Variants in ZFP1 observed in about 807,000 individuals in gnomAD.
ZFP1 encodes zinc finger protein 1 homolog.
In ZFP1, 32 loss-of-function variants were observed where a neutral mutation model predicts 38.5. The observed-to-expected ratio is 0.83, with a 90% CI of 0.63 to 1.12. ZFP1 has a LOEUF of 1.12. ZFP1 is among the 50% of genes most tolerant of loss of function. The pLI is 0.00. For missense variants in ZFP1, 616 were observed against 480.8 expected, an observed-to-expected ratio of 1.28 and a Z score of -2.63; for synonymous variants, 245 against 168.8, an observed-to-expected ratio of 1.45 and a Z score of -3.50.
intron 2 of ZFP1, among the ~76,000 whole-genome samples, chr16:75,166,139 G>A (rs12923447): frequency 0.5 from 76,642 of 151,988 alleles, 20,319 homozygotes; most frequent in East Asian, 0.71. Context: ...TTTAAACATC[G>A]ATGTCACAGA....
chr16:75,170,241 G>T lies in ZFP1; in HGVS notation c.1131G>T (p.Glu377Asp), dbSNP rs2038351946. The T allele has an allele frequency of 6.2e-7, 1 of 1,614,168 alleles. No individual in the cohort carries two copies. The highest frequency in any genetic ancestry group is 1.1e-5 in the South Asian group (1 of 91,082). ...LRLHLRIHTG[E>D]KPYECSECGK... ...TACACTTGCGAATCCACACAGGAGA[G>T]AAACCATATGAGTGTTCCGAATGTG... The change falls in exon 4 of 4, where the codon GAG (glutamate) becomes GAT (aspartate). Residue 377 changes from glutamate (E) to aspartate (D), a missense_variant. Glu to Asp is a conservative substitution (Grantham distance 45). Coordinates refer to ENST00000570010, the MANE Select transcript of ZFP1 (RefSeq NM_153688.4).
the ZFP1 span, among the ~76,000 whole-genome samples, chr16:75,131,129 G>A: frequency 6.6e-6 from 1 of 152,114 alleles, no homozygotes; most frequent in Non-Finnish European, 1.5e-5. Flanking sequence ...CCTCGGTCTG[G>A]CATATTCTCC....
intron 2 of ZFP1, among the ~76,000 whole-genome samples, chr16:75,165,630 G>A (rs974338082): frequency 6.6e-6 from 1 of 151,946 alleles, no homozygotes; most frequent in Non-Finnish European, 1.5e-5. Context: ...CCTGTGATCC[G>A]CCCACCTCGG....
At position 75,152,896 on chromosome 16, in the gene ZFP1, T is replaced by C. The variant is rs199633607; in HGVS notation, c.-43-13T>C. Reference sequence around the variant, plus strand: ...CCTTTAATAACAATGCCTTCCTTTTTCCTCTATTCCAGTTCTGCCTTCATA... The same window carrying C: ...CCTTTAATAACAATGCCTTCCTTTTCCCTCTATTCCAGTTCTGCCTTCATA... On this transcript the variant is annotated splice_polypyrimidine_tract_variant and intron_variant, in intron 1 of 3. Coordinates refer to ENST00000570010, the MANE Select transcript of ZFP1 (RefSeq NM_153688.4). 3.1e-5 allele frequency: 50 copies of C among 1,609,434 alleles called. No homozygotes were observed. Among genetic ancestry groups the C allele is most frequent in the African/African-American group, 1.3e-5 (1 of 74,594 alleles).
the ZFP1 span, among the ~76,000 whole-genome samples, chr16:75,140,636 C>T: frequency 6.6e-6 from 1 of 152,138 alleles, no homozygotes; most frequent in Non-Finnish European, 1.5e-5. Context: ...AGCATTGCAG[C>T]AATGCTGAAT....
At chr16:75,133,840 G>A in the ZFP1 span, among the ~76,000 whole-genome samples, 1 of 152,068 alleles carries the variant, frequency 6.6e-6, no homozygotes, top group Non-Finnish European at 1.5e-5. Context: ...CTTGAGGCCA[G>A]GCATTCGAGA....
rs775513092 is a variant in ZFP1, at chr16:75,170,469, T to C, written c.*135T>C. On this transcript the variant is annotated 3_prime_UTR_variant, in exon 4 of 4. Coordinates refer to ENST00000570010, the MANE Select transcript of ZFP1 (RefSeq NM_153688.4). ...TCTCAACTCAAAAATGTATTAAAAA[T>C]AGGATCCCATGAGAACATTATACTG... 634 of 1,284,548 alleles carry C rather than the reference T, an allele frequency of 4.9e-4. 1 individual carries two copies. Among genetic ancestry groups the C allele is most frequent in the Non-Finnish European group, 6.2e-4 (608 of 980,200 alleles). The allele number at this position is 1,284,548 out of a possible 1,614,324, so 79.6% of individuals were successfully genotyped here. A position where few individuals can be genotyped will look rare whatever the true frequency, so the allele number is the denominator to read the frequency against.
chr16:75,121,994 A>T, the ZFP1 span, among the ~76,000 whole-genome samples: 1 of 152,114 alleles, frequency 6.6e-6, no homozygotes, highest in African/African-American at 2.4e-5. Flanking sequence ...CTGTATACCC[A>T]GCCCAAAACA....
the ZFP1 span, among the ~76,000 whole-genome samples, chr16:75,132,208 C>A: frequency 2.6e-5 from 4 of 151,826 alleles, no homozygotes; most frequent in Non-Finnish European, 4.4e-5. Context: ...GGCAACATAG[C>A]GAAACCCCAT....
Position 75,167,008 on chromosome 16 carries a change from A to G in ZFP1, c.142+112A>G, listed in dbSNP as rs2038125367. ...CTAAATGTTTTTGGCCTAAGTCCTC[A>G]GGTATTAAACCTGAGAGATCTTGCA... On this transcript the variant is annotated intron_variant, in intron 3 of 3. Coordinates refer to ENST00000570010, the MANE Select transcript of ZFP1 (RefSeq NM_153688.4). 2.6e-6 allele frequency: 4 copies of G among 1,514,462 alleles called. No homozygotes were observed. In the East Asian group the frequency reaches 9.2e-5, roughly 35 times the overall value. The allele number at this position is 1,514,462 out of a possible 1,614,324, so 93.8% of individuals were successfully genotyped here. A position where few individuals can be genotyped will look rare whatever the true frequency, so the allele number is the denominator to read the frequency against.
intron 2 of ZFP1, among the ~76,000 whole-genome samples, chr16:75,161,064 T>A (rs917898266): frequency 7.2e-5 from 11 of 152,038 alleles, no homozygotes; most frequent in Non-Finnish European, 8.8e-5. Flanking sequence ...TATTTTTTTT[T>A]AATTTATTTA....
intron 1 of ZFP1, chr16:75,148,999 G>C (rs2037037082): frequency 6.6e-6 from 1 of 152,108 alleles, no homozygotes; most frequent in Non-Finnish European, 1.5e-5. Flanking sequence ...CCCCGCCGGG[G>C]CGTGGTGGGG....
chr16:75,127,153 T>C, the ZFP1 span, among the ~76,000 whole-genome samples: 4 of 152,228 alleles, frequency 2.6e-5, no homozygotes, highest in Non-Finnish European at 5.9e-5. Flanking sequence ...CGGATAATCG[T>C]CTTGTTTTGG....
chr16:75,154,791 T>TA (rs2037389827), intron 2 of ZFP1, among the ~76,000 whole-genome samples: 1 of 152,048 alleles, frequency 6.6e-6, no homozygotes, highest in Non-Finnish European at 1.5e-5. Context: ...TTTATTTATT[T>TA]ATGTTTTTAA....
chr16:75,132,051 T>C, the ZFP1 span, among the ~76,000 whole-genome samples: 1 of 152,194 alleles, frequency 6.6e-6, no homozygotes, highest in African/African-American at 2.4e-5. Flanking sequence ...TCTTTTTATC[T>C]GCAAGTTTCC....
intron 1 of ZFP1, among the ~76,000 whole-genome samples, chr16:75,150,919 G>T (rs1329035823): frequency 6.6e-6 from 1 of 152,156 alleles, no homozygotes; most frequent in African/African-American, 2.4e-5. Flanking sequence ...CAAACCTTTT[G>T]CCTCAGCCTC....
At chr16:75,120,033 G>C in the ZFP1 span, among the ~76,000 whole-genome samples, 1 of 152,212 alleles carries the variant, frequency 6.6e-6, no homozygotes, top group African/African-American at 2.4e-5. Flanking sequence ...GCAGCAATTT[G>C]TCCTAGCTGA....
chr16:75,121,167 T>C, the ZFP1 span, among the ~76,000 whole-genome samples: 9 of 151,982 alleles, frequency 5.9e-5, no homozygotes, highest in African/African-American at 1.9e-4. Flanking sequence ...AATTTCTTTT[T>C]TGTTTTTTTT....
chr16:75,120,827 G>A, the ZFP1 span, among the ~76,000 whole-genome samples: 37 of 151,820 alleles, frequency 2.4e-4, no homozygotes, highest in Admixed American at 1.1e-3. Flanking sequence ...GGGTTTCACC[G>A]TGTTAGCCAG....
Sources: gnomAD v4.1 joint callset for allele counts (sites outside exome capture counted in the v4.1 genomes callset) on GRCh38, gnomAD v4.1.1 for gene constraint, MANE v1.5 for transcripts, NCBI Gene and HGNC (gene_info 2026-07-23, HGNC 2026-07-21) for gene names.